Variants in RANBP2 observed in about 807,000 individuals in gnomAD.
RANBP2 encodes the protein RAN binding protein 2, also known as E3 SUMO-protein ligase RanBP2.
In RANBP2, 57 loss-of-function variants were observed where a neutral mutation model predicts 303.6. That is an observed-to-expected ratio of 0.19 (90% confidence interval 0.15 to 0.23). The LOEUF is 0.23. Ranked by LOEUF, RANBP2 falls within the 10% of genes least tolerant of loss-of-function variation. RANBP2 has a pLI of 1.00. For missense variants in RANBP2, 3,138 were observed against 3,780.8 expected (o/e 0.83, Z 4.46); for synonymous variants, 1,167 against 1,301.5 (o/e 0.90, Z 2.23).
At chr2:108,899,647 A>G in the RANBP2 span, among the ~76,000 whole-genome samples, 1 of 152,226 alleles carries the variant, frequency 6.6e-6, no homozygotes, top group East Asian at 1.9e-4. Flanking sequence ...AAAGGGACAT[A>G]GAGAAAGGTA....
the RANBP2 span, among the ~76,000 whole-genome samples, chr2:108,916,723 T>C: frequency 2.0e-5 from 3 of 152,064 alleles, no homozygotes; most frequent in South Asian, 2.1e-4. Context: ...GGGGGCAAGA[T>C]GGGTGGGATG....
the RANBP2 span, among the ~76,000 whole-genome samples, chr2:109,281,976 G>C: frequency 5.9e-5 from 9 of 152,092 alleles, no homozygotes; most frequent in Non-Finnish European, 1.2e-4. Flanking sequence ...ATGGCCGAGC[G>C]CTGGGCCAGG....
the RANBP2 span, among the ~76,000 whole-genome samples, chr2:108,817,017 C>T: frequency 1.3e-5 from 2 of 152,068 alleles, no homozygotes; most frequent in Admixed American, 6.5e-5. Flanking sequence ...CTTAAAGGCC[C>T]CACTTATCAA....
the RANBP2 span, among the ~76,000 whole-genome samples, chr2:109,619,168 C>A: frequency 1.3e-5 from 2 of 152,162 alleles, no homozygotes; most frequent in Admixed American, 1.3e-4. Flanking sequence ...AATGGTTGTT[C>A]AGGGTCACAC....
the RANBP2 span, among the ~76,000 whole-genome samples, chr2:109,603,933 G>A: frequency 2.6e-5 from 4 of 151,510 alleles, no homozygotes; most frequent in South Asian, 2.1e-4. Flanking sequence ...AGGCCGAGGC[G>A]GGCGGATCAC....
chr2:109,511,817 G>T, the RANBP2 span, among the ~76,000 whole-genome samples: 19 of 152,320 alleles, frequency 1.2e-4, no homozygotes, highest in Admixed American at 5.2e-4. Flanking sequence ...TAAGGAATGG[G>T]GGGTGGACAG....
At chr2:109,212,240 T>C in the RANBP2 span, among the ~76,000 whole-genome samples, 1 of 152,108 alleles carries the variant, frequency 6.6e-6, no homozygotes, top group African/African-American at 2.4e-5. Context: ...GACTCCTCAC[T>C]TCCCTCCAAC....
chr2:109,398,618 A>G, the RANBP2 span: 1 of 1,586,390 alleles, frequency 6.3e-7, no homozygotes, highest in Non-Finnish European at 8.6e-7. Context: ...CAGCTCATTG[A>G]GATGGACAAG....
chr2:109,249,519 T>TTCTTTCTTTCTTTCTTTCTTTCTTTC, the RANBP2 span, among the ~76,000 whole-genome samples: 1 of 61,900 alleles, frequency 1.6e-5, no homozygotes, highest in East Asian at 4.5e-4. Flanking sequence ...CATTCTTTCT[T>TTCTTTCTTTCTTTCTTTCTTTCTTTC]TTTCTTTCTT....
At chr2:108,870,877 A>G in the RANBP2 span, among the ~76,000 whole-genome samples, 1 of 152,018 alleles carries the variant, frequency 6.6e-6, no homozygotes, top group African/African-American at 2.4e-5. Context: ...GATGGAAAAA[A>G]CTCTGGAGAT....
At chr2:109,445,756 G>T in the RANBP2 span, among the ~76,000 whole-genome samples, 2 of 152,142 alleles carry the variant, frequency 1.3e-5, no homozygotes, top group Non-Finnish European at 2.9e-5. Context: ...GAAGTAGAGA[G>T]GGGGGTTGGC....
the RANBP2 span, among the ~76,000 whole-genome samples, chr2:109,225,748 T>G: frequency 6.6e-6 from 1 of 152,224 alleles, no homozygotes; most frequent in African/African-American, 2.4e-5. Flanking sequence ...TTTTTATAAG[T>G]TAGTTTCAAG....
chr2:108,821,618 A>G, the RANBP2 span, among the ~76,000 whole-genome samples: 1 of 152,124 alleles, frequency 6.6e-6, no homozygotes, highest in Non-Finnish European at 1.5e-5. Flanking sequence ...AAGCTACAAA[A>G]CATACAGAAA....
At chr2:109,134,336 GCTGGCACTTGGGGGCCTCACCAAA>G in the RANBP2 span, among the ~76,000 whole-genome samples, 8 of 152,168 alleles carry the variant, frequency 5.3e-5, no homozygotes, top group African/African-American at 1.9e-4. Context: ...AGAGGAAAAG[GCTGGCACTTGGGGGCCTCACCAAA>G]AACCAGACAG....
At chr2:109,117,860 C>G in the RANBP2 span, among the ~76,000 whole-genome samples, 1 of 152,226 alleles carries the variant, frequency 6.6e-6, no homozygotes, top group East Asian at 1.9e-4. Flanking sequence ...CTTGCCCACA[C>G]TCATCAGAAA....
the RANBP2 span, among the ~76,000 whole-genome samples, chr2:108,939,178 T>TTTG: frequency 6.6e-6 from 1 of 151,892 alleles, no homozygotes; most frequent in Non-Finnish European, 1.5e-5. Context: ...CATCCTTCCA[T>TTTG]TTGTTGTTGT....
chr2:109,583,618 C>A, the RANBP2 span, among the ~76,000 whole-genome samples: 2 of 152,328 alleles, frequency 1.3e-5, no homozygotes, highest in African/African-American at 4.8e-5. Context: ...TACCATTCGA[C>A]CCAGCTATTC....
chr2:109,624,926 C>G, the RANBP2 span, among the ~76,000 whole-genome samples: 1 of 151,568 alleles, frequency 6.6e-6, no homozygotes, highest in Non-Finnish European at 1.5e-5. Flanking sequence ...ACTAAAAATA[C>G]AAAAATTAGC....
the RANBP2 span, chr2:109,618,459 C>T: frequency 1.6e-3 from 271 of 167,178 alleles, no homozygotes; most frequent in Non-Finnish European, 3.1e-3. Context: ...ATGGTTTTCC[C>T]ACTGAAGGCT....
Sources: allele counts gnomAD v4.1 joint callset (sites outside exome capture counted in the v4.1 genomes callset), GRCh38; gene constraint gnomAD v4.1.1; transcripts MANE v1.5; gene names NCBI Gene and HGNC (gene_info 2026-07-23, HGNC 2026-07-21).